The following SPAG16 variants were observed in gnomAD, a reference collection of about 807,000 sequenced individuals.
SPAG16 encodes sperm-associated antigen 16 protein.
In SPAG16, 86 loss-of-function variants were observed where a neutral mutation model predicts 80.4. The ratio of observed to expected loss-of-function variants is 1.07; its 90% CI spans 0.90 to 1.28. SPAG16 has a LOEUF of 1.28. Ranked by LOEUF, SPAG16 falls within the 50% of genes most tolerant of loss-of-function variation. The probability of loss-of-function intolerance (pLI) is 0.00; values close to 1 mark genes in which losing one functional copy is unlikely to be tolerated. For synonymous variants in SPAG16, 294 were observed against 265.9 expected, an observed-to-expected ratio of 1.11 and a Z score of -1.03; for missense variants, 870 against 765.3, an observed-to-expected ratio of 1.14 and a Z score of -1.61.
intron 10 of SPAG16, among the ~76,000 whole-genome samples, chr2:213,756,149 A>G (rs562124391): frequency 6.6e-6 from 1 of 152,200 alleles, no homozygotes; most frequent in East Asian, 1.9e-4. Context: ...ATTTAAACAT[A>G]AGTAATTTTA....
At chr2:214,139,508 C>T (rs2055238752) in intron 14 of SPAG16, among the ~76,000 whole-genome samples, 1 of 151,874 alleles carries the variant, frequency 6.6e-6, no homozygotes, top group African/African-American at 2.4e-5. Flanking sequence ...ATTATTTCTA[C>T]CTTTTCTATT....
intron 11 of SPAG16, among the ~76,000 whole-genome samples, chr2:213,883,829 G>A (rs886076321): frequency 6.6e-6 from 1 of 152,082 alleles, no homozygotes; most frequent in African/African-American, 2.4e-5. Flanking sequence ...TGAGAATAGT[G>A]ACTCCTGTAC....
intron 15 of SPAG16, among the ~76,000 whole-genome samples, chr2:214,394,354 T>A (rs1246870584): frequency 1.3e-5 from 2 of 152,190 alleles, no homozygotes; most frequent in Non-Finnish European, 2.9e-5. Flanking sequence ...TGTACAAATC[T>A]GAGTTATTTC....
At chr2:213,519,804 C>A (rs746764365) in intron 10 of SPAG16, among the ~76,000 whole-genome samples, 1 of 152,036 alleles carries the variant, frequency 6.6e-6, no homozygotes, top group Non-Finnish European at 1.5e-5. Flanking sequence ...TCATAGTATA[C>A]TCTTTGTTTT....
chr2:214,325,293 C>A (rs1208618129), intron 15 of SPAG16, among the ~76,000 whole-genome samples: 1 of 152,138 alleles, frequency 6.6e-6, no homozygotes, highest in Non-Finnish European at 1.5e-5. Flanking sequence ...GCCTGAGACT[C>A]CTTATTTAAC....
At position 213,886,361 on chromosome 2, in the gene SPAG16, G is replaced by A. The variant is rs75667477; in HGVS notation, c.1214+23733G>A. On this transcript the variant is annotated intron_variant, in intron 11 of 15. Transcript: ENST00000331683. ...TAGAATCCCTTTGGCCTGGGCAGGAGGAGAGTGGTGGCGGGTAGAATGAGC... is the reference window on the plus strand; with the variant it reads ...TAGAATCCCTTTGGCCTGGGCAGGAAGAGAGTGGTGGCGGGTAGAATGAGC... Among the ~76,000 whole-genome samples the A allele has an allele frequency of 7.3e-3, 1,111 of 152,184 alleles. 11 individuals are homozygous for A. The highest frequency in any genetic ancestry group is 0.014 in the Middle Eastern group (4 of 294).
At chr2:213,975,570 G>A (rs972352552) in intron 12 of SPAG16, among the ~76,000 whole-genome samples, 2 of 151,598 alleles carry the variant, frequency 1.3e-5, no homozygotes, top group African/African-American at 2.4e-5. Flanking sequence ...TTATAATTAA[G>A]TAAAATAGAA....
intron 10 of SPAG16, among the ~76,000 whole-genome samples, chr2:213,700,956 T>C (rs1220493147): frequency 6.6e-6 from 1 of 152,126 alleles, no homozygotes; most frequent in Non-Finnish European, 1.5e-5. Context: ...AAGATCAGCC[T>C]GGTGGCCAGG....
intron 10 of SPAG16, among the ~76,000 whole-genome samples, chr2:213,691,552 C>T (rs2125296484): frequency 6.6e-6 from 1 of 152,122 alleles, no homozygotes; most frequent in Middle Eastern, 3.4e-3. Flanking sequence ...TAAGTGAGAG[C>T]CAACTAGATC....
Position 213,727,066 on chromosome 2 carries a change from C to T in SPAG16, c.1071-135419C>T, listed in dbSNP as rs972924900. Among the ~76,000 whole-genome samples, 8 of 152,234 alleles carry T rather than the reference C, an allele frequency of 5.3e-5. No homozygotes were observed. In the East Asian group the frequency reaches 9.7e-4, roughly 18 times the overall value. ...ATAATAATCTAATATTATCAAATCA[C>T]GATCCCCAACTTCTCAAGACATAAT... On this transcript the variant is annotated intron_variant, in intron 10 of 15. Coordinates refer to ENST00000331683, the MANE Select transcript of SPAG16 (RefSeq NM_024532.5).
chr2:213,819,755 G>T (rs373602721), intron 10 of SPAG16, among the ~76,000 whole-genome samples: 36 of 151,466 alleles, frequency 2.4e-4, no homozygotes, highest in African/African-American at 7.7e-4. Context: ...TTGTTTGGTT[G>T]GTTGGTTGGT....
intron 12 of SPAG16, among the ~76,000 whole-genome samples, chr2:213,961,431 A>G (rs1249483891): frequency 6.6e-6 from 1 of 152,018 alleles, no homozygotes; most frequent in Non-Finnish European, 1.5e-5. Context: ...ATGTAGTGCA[A>G]TGTTGAATAG....
At chr2:213,622,395 T>C (rs1324223967) in intron 10 of SPAG16, among the ~76,000 whole-genome samples, 1 of 152,242 alleles carries the variant, frequency 6.6e-6, no homozygotes, top group Non-Finnish European at 1.5e-5. Flanking sequence ...CCCTAGTTCC[T>C]GTTTTCTTAC....
At chr2:214,072,998 T>G (rs2050869733) in intron 13 of SPAG16, among the ~76,000 whole-genome samples, 1 of 152,090 alleles carries the variant, frequency 6.6e-6, no homozygotes, top group African/African-American at 2.4e-5. Context: ...AAGTTAAAAT[T>G]TCTAGTGACA....
chr2:213,851,252 A>G (rs776643105), intron 10 of SPAG16, among the ~76,000 whole-genome samples: 12 of 152,170 alleles, frequency 7.9e-5, no homozygotes, highest in Non-Finnish European at 1.5e-4. Context: ...GGTGGCTCAC[A>G]CCTGTAATCC....
intron 13 of SPAG16, among the ~76,000 whole-genome samples, chr2:214,079,128 T>C (rs2051234244): frequency 1.3e-5 from 2 of 152,118 alleles, no homozygotes; most frequent in South Asian, 4.2e-4. Flanking sequence ...AAGATCATCA[T>C]AGCAAGATAG....
intron 8 of SPAG16, chr2:213,364,687 T>G (rs2066184690): frequency 1.3e-5 from 2 of 152,240 alleles, no homozygotes; most frequent in Non-Finnish European, 2.9e-5. Context: ...AGAGCTGCAA[T>G]GAGGAGTGGC....
chr2:214,053,849 T>TGAA (rs972437171), intron 13 of SPAG16, among the ~76,000 whole-genome samples: 1 of 152,192 alleles, frequency 6.6e-6, no homozygotes, highest in African/African-American at 2.4e-5. Context: ...TATACCTAAG[T>TGAA]GAAGTTTAAA....
At chr2:214,106,818 C>T (rs555608427) in intron 13 of SPAG16, among the ~76,000 whole-genome samples, 8 of 152,174 alleles carry the variant, frequency 5.3e-5, no homozygotes, top group Non-Finnish European at 7.4e-5. Flanking sequence ...TCCAGCCACA[C>T]TGGCTTCCTT....
Sources: allele counts gnomAD v4.1 joint callset (sites outside exome capture counted in the v4.1 genomes callset), GRCh38; gene constraint gnomAD v4.1.1; transcripts MANE v1.5; gene names NCBI Gene and HGNC (gene_info 2026-07-23, HGNC 2026-07-21).